Variants in GNA13 observed in about 807,000 individuals in gnomAD.
The protein encoded by GNA13 is G protein subunit alpha 13.
A neutral mutation model predicts 33.5 loss-of-function variants in GNA13; 4 were observed. The ratio of observed to expected loss-of-function variants is 0.12; its 90% CI spans 0.06 to 0.27. GNA13 has a LOEUF of 0.27. Ranked by LOEUF, GNA13 falls within the 10% of genes least tolerant of loss-of-function variation. The probability of loss-of-function intolerance (pLI) is 1.00; values close to 1 mark genes in which losing one functional copy is unlikely to be tolerated. For synonymous variants in GNA13, 176 were observed against 183.8 expected (o/e 0.96, Z 0.34); for missense variants, 319 against 487.2 (o/e 0.65, Z 3.25).
chr17:65,025,377 A>T (rs1906740129), intron 2 of GNA13, among the ~76,000 whole-genome samples: 3 of 152,166 alleles, frequency 2.0e-5, no homozygotes, highest in Non-Finnish European at 2.9e-5. Flanking sequence ...CTACTGTACT[A>T]CAGTTCTAGC....
chr17:65,038,228 C>A (rs1351996487), intron 2 of GNA13, among the ~76,000 whole-genome samples: 3 of 152,104 alleles, frequency 2.0e-5, no homozygotes, highest in Admixed American at 2.0e-4. Flanking sequence ...TATGATGAAA[C>A]CCTGTCTCTA....
rs1344152278 is a variant in GNA13, at chr17:65,011,706, A to G, written c.*2551T>C. 2 of 227,548 alleles carry G rather than the reference A, an allele frequency of 8.8e-6. No homozygotes were observed. Among genetic ancestry groups the G allele is most frequent in the Non-Finnish European group, 1.7e-5 (2 of 114,334 alleles). The allele number at this position is 227,548 out of a possible 1,614,324, so 14.1% of individuals were successfully genotyped here. ...TAGGCACATTTTATTCCAAATCATA[A>G]CCATAAAGATTTAGAAAATCAAATA... On this transcript the variant is annotated 3_prime_UTR_variant, in exon 4 of 4. Coordinates refer to ENST00000439174, the MANE Select transcript of GNA13 (RefSeq NM_006572.6).
chr17:65,031,055 T>C (rs956490515), intron 2 of GNA13, among the ~76,000 whole-genome samples: 5 of 152,216 alleles, frequency 3.3e-5, no homozygotes, highest in Admixed American at 1.3e-4. Context: ...TCAAAGTTAA[T>C]ATCCAGTTTT....
rs576798822 is a variant in GNA13, at chr17:65,040,667, T to C, written c.510+12835A>G. Among the ~76,000 whole-genome samples the C allele has an allele frequency of 7.2e-5, 11 of 152,284 alleles. No individual in the cohort carries two copies. The South Asian group carries it at 2.3e-3, about 32-fold the overall frequency. ...CGCCACCACGCCCAGCTAATTTTTG[T>C]ATTTTTAGTAGAGACGGGTTTCACC... On this transcript the variant is annotated intron_variant, in intron 2 of 3. Coordinates refer to ENST00000439174, the MANE Select transcript of GNA13 (RefSeq NM_006572.6).
chr17:65,043,926 AC>A (rs1907556984), intron 2 of GNA13, among the ~76,000 whole-genome samples: 2 of 152,122 alleles, frequency 1.3e-5, no homozygotes, highest in Admixed American at 6.5e-5. Flanking sequence ...GTTCAAGGCC[AC>A]CCTGGTCAAC....
At chr17:65,034,075 C>G (rs1907157287) in intron 2 of GNA13, among the ~76,000 whole-genome samples, 2 of 143,842 alleles carry the variant, frequency 1.4e-5, no homozygotes. Flanking sequence ...ACATCATAAA[C>G]CATTTCAATA....
chr17:65,056,261 GCCCCAGCC>G, intron 1 of GNA13, 42 bp downstream of exon 1: 1 of 560,700 alleles, frequency 1.8e-6, no homozygotes, highest in Non-Finnish European at 3.0e-6. Flanking sequence ...ACCCGCCGCC[GCCCCAGCC>G]CCCCTGCCCT....
intron 2 of GNA13, among the ~76,000 whole-genome samples, chr17:65,045,243 G>A (rs1186369858): frequency 6.6e-6 from 1 of 151,710 alleles, no homozygotes; most frequent in East Asian, 1.9e-4. Flanking sequence ...TGTTCAGCCA[G>A]GCATGGCGGC....
chr17:65,014,861 T>A lies in GNA13; in HGVS notation c.562-32A>T. On this transcript the variant is annotated intron_variant, in intron 3 of 3. Coordinates refer to ENST00000439174, the MANE Select transcript of GNA13 (RefSeq NM_006572.6). This position sits in a 1 kb window ranked among gnomAD's most constrained non-coding sequence, Gnocchi z 5.3. ...AAGAAAAAACTTGTTTTATACCTAT[T>A]AATCCCGAAGTAATGCGAATTTTTA... is the stretch of plus-strand genomic sequence containing the variant. The A allele has an allele frequency of 7.1e-7, 1 of 1,401,264 alleles. No homozygotes were observed. Among genetic ancestry groups the A allele is most frequent in the Non-Finnish European group, 9.9e-7 (1 of 1,006,400 alleles). 86.8% of individuals were successfully genotyped at this position (1,401,264 alleles called of 1,614,324 possible). A position where few individuals can be genotyped will look rare whatever the true frequency, so the allele number is the denominator to read the frequency against.
At position 65,053,636 on chromosome 17, in the gene GNA13, C is replaced by T; in HGVS notation, c.376G>A (p.Asp126Asn). Reference protein sequence around the residue: ...QQHGDKMMSFDTRAPMAAQGM... With the variant: ...QQHGDKMMSFNTRAPMAAQGM... ...TGGGCTGCCATGGGGGCCCGGGTAT[C>T]AAACGACATCATCTTATCTCCATGT... The change falls in exon 2 of 4, where the codon GAT becomes AAT. Residue 126 changes from aspartate (D) to asparagine (N), a missense_variant. Asp to Asn is a conservative substitution (Grantham distance 23). Transcript: ENST00000439174. 1.2e-6 allele frequency: 2 copies of T among 1,613,810 alleles called. No homozygotes were observed. The highest frequency in any genetic ancestry group is 1.7e-6 in the Non-Finnish European group (2 of 1,179,738).
chr17:65,018,342 G>T, intron 2 of GNA13, 39 bp from the exon 3 acceptor site: 1 of 972,058 alleles, frequency 1.0e-6, no homozygotes, highest in African/African-American at 1.6e-5. Context: ...TTAGGGCTTA[G>T]AAATGGAAGA....
chr17:65,014,349 T>C lies in GNA13; in HGVS notation c.1042A>G (p.Thr348Ala), dbSNP rs1438174018. ...CGGATGTTCTCCGTGTTGATAGCAG[T>C]GGTGAAGTGGTGGTATAAGGGCTTC... The part of the protein sequence containing the change: ...QQKPLYHHFT[T>A]AINTENIRLV... The change falls in exon 4 of 4, where the codon ACT becomes GCT. Residue 348 changes from threonine (T) to alanine (A), a missense_variant. Thr to Ala is a moderately conservative substitution (Grantham distance 58). This residue lies in a region of GNA13 where 134 missense variants were observed against 241.3 expected (regional missense o/e 0.56). Transcript: ENST00000439174. The surrounding 1 kb of genome is among the most constrained non-coding windows in gnomAD (Gnocchi z 5.3). 2 of 1,613,446 alleles carry C rather than the reference T, an allele frequency of 1.2e-6. No individual in the cohort carries two copies. Among genetic ancestry groups the C allele is most frequent in the African/African-American group, 2.7e-5 (2 of 74,886 alleles).
chr17:65,037,415 C>T (rs1907286911), intron 2 of GNA13, among the ~76,000 whole-genome samples: 1 of 152,124 alleles, frequency 6.6e-6, no homozygotes, highest in Non-Finnish European at 1.5e-5. Flanking sequence ...GCACCTGCTG[C>T]CATAGTCAGC....
intron 2 of GNA13, among the ~76,000 whole-genome samples, chr17:65,041,607 C>T (rs1330503558): frequency 6.6e-6 from 1 of 152,118 alleles, no homozygotes; most frequent in Non-Finnish European, 1.5e-5. Context: ...TCTGCTAAGT[C>T]ACAGGGCAGA....
At chr17:65,050,751 A>G (rs1224005405) in intron 2 of GNA13, among the ~76,000 whole-genome samples, 2 of 152,152 alleles carry the variant, frequency 1.3e-5, no homozygotes, top group Non-Finnish European at 2.9e-5. Flanking sequence ...CAAAAAAACA[A>G]AAAACAATGC....
chr17:65,018,924 C>A (rs56097648), intron 2 of GNA13, among the ~76,000 whole-genome samples: 2 of 152,232 alleles, frequency 1.3e-5, no homozygotes, highest in South Asian at 2.1e-4. Flanking sequence ...CTAAACTGTA[C>A]GAGAATACAT....
Position 65,014,647 on chromosome 17 carries a change from G to A in GNA13, c.744C>T (p.Ser248=), listed in dbSNP as rs1906299838. 1 of 1,614,126 alleles carries A rather than the reference G, an allele frequency of 6.2e-7. No homozygotes were observed. Among genetic ancestry groups the A allele is most frequent in the Non-Finnish European group, 8.5e-7 (1 of 1,179,990 alleles). The change falls in exon 4 of 4, where the codon TCC becomes TCT. Residue 248 remains serine, a synonymous_variant. Coordinates refer to ENST00000439174, the MANE Select transcript of GNA13 (RefSeq NM_006572.6). The surrounding 1 kb of genome is among the most constrained non-coding windows in gnomAD (Gnocchi z 5.3). ...DSVTSILFLV[S]SSEFDQVLME... ...TAAGCACCTGGTCAAATTCACTTGAGGAAACAAGGAAAAGTATTGATGTCA... is the reference window on the plus strand; with the variant it reads ...TAAGCACCTGGTCAAATTCACTTGAAGAAACAAGGAAAAGTATTGATGTCA...
intron 2 of GNA13, among the ~76,000 whole-genome samples, chr17:65,031,820 A>G (rs1291312752): frequency 7.1e-6 from 1 of 141,582 alleles, no homozygotes; most frequent in Admixed American, 7.4e-5. Context: ...GAGGTGAGGT[A>G]GGGGGTACTA....
At chr17:65,041,866 CA>C (rs1213465205) in intron 2 of GNA13, among the ~76,000 whole-genome samples, 1 of 152,166 alleles carries the variant, frequency 6.6e-6, no homozygotes, top group African/African-American at 2.4e-5. Context: ...ATTCTGGCTA[CA>C]AATGTCATCG....
Sources: allele counts gnomAD v4.1 joint callset (sites outside exome capture counted in the v4.1 genomes callset), GRCh38; gene constraint gnomAD v4.1.1; regional missense constraint gnomAD v4.1.1; non-coding constraint Gnocchi (gnomAD v3.1); transcripts MANE v1.5; gene names NCBI Gene and HGNC (gene_info 2026-07-23, HGNC 2026-07-21).